ADAM22: variants seen among roughly 807,000 people sequenced by gnomAD.
The protein encoded by ADAM22 is disintegrin and metalloproteinase domain-containing protein 22.
Under a neutral mutation model 144.6 loss-of-function variants are expected in ADAM22, and 65 were observed. The ratio of observed to expected loss-of-function variants is 0.45; its 90% CI spans 0.37 to 0.55. The LOEUF (loss-of-function observed/expected upper bound fraction) is 0.55. ADAM22 is among the 20% of genes least tolerant of loss of function. ADAM22 has a pLI of 0.00. For missense variants in ADAM22, 974 were observed against 1,184.9 expected (o/e 0.82, Z 2.61); for synonymous variants, 391 against 412.6 (o/e 0.95, Z 0.63).
intron 3 of ADAM22, among the ~76,000 whole-genome samples, chr7:88,022,829 A>G (rs1798132573): frequency 6.6e-6 from 1 of 152,164 alleles, no homozygotes; most frequent in Non-Finnish European, 1.5e-5. Flanking sequence ...ATAACTTTAT[A>G]TTAACCATCA....
intron 2 of ADAM22, among the ~76,000 whole-genome samples, chr7:87,969,531 C>G (rs1408968019): frequency 6.6e-6 from 1 of 152,170 alleles, no homozygotes; most frequent in Admixed American, 6.5e-5. Context: ...CTGGTATGAT[C>G]AGCACTCTAA....
intron 2 of ADAM22, chr7:87,964,754 A>G (rs1410706416): frequency 5.9e-6 from 2 of 341,448 alleles, no homozygotes; most frequent in East Asian, 1.8e-4. Flanking sequence ...TGAATTGTGG[A>G]TGGATTCTTT....
chr7:88,065,315 C>T (rs949818418), intron 3 of ADAM22, among the ~76,000 whole-genome samples: 17 of 152,052 alleles, frequency 1.1e-4, no homozygotes, highest in African/African-American at 3.6e-4. Context: ...TTGTTGACTT[C>T]ATTATTTTCC....
chr7:88,105,265 A>G (rs756337055), intron 4 of ADAM22, among the ~76,000 whole-genome samples: 3 of 151,958 alleles, frequency 2.0e-5, no homozygotes, highest in Non-Finnish European at 4.4e-5. Flanking sequence ...TTCATGTGTT[A>G]CTGTTCACTA....
At chr7:88,075,771 G>A (rs903499163) in intron 4 of ADAM22, 79 bp downstream of exon 4, 8 of 1,083,638 alleles carry the variant, frequency 7.4e-6, no homozygotes, top group Non-Finnish European at 1.1e-5. Context: ...AATTTTCAAT[G>A]ATATTTCTAA....
intron 2 of ADAM22, among the ~76,000 whole-genome samples, chr7:87,976,866 A>T (rs1688889): frequency 0.58 from 86,137 of 149,228 alleles, 25,414 homozygotes; most frequent in African/African-American, 0.7. Context: ...AGGGTTTTTT[A>T]TTTCTTTTTT....
chr7:87,993,121 A>G (rs1369615416), intron 3 of ADAM22, among the ~76,000 whole-genome samples: 2 of 152,154 alleles, frequency 1.3e-5, no homozygotes, highest in Non-Finnish European at 2.9e-5. Context: ...GGGTCTGCCA[A>G]AGAGAATTTT....
intron 13 of ADAM22, 116 bp from the exon 14 acceptor site, chr7:88,135,864 T>C: frequency 2.6e-6 from 2 of 775,808 alleles, no homozygotes; most frequent in Non-Finnish European, 3.8e-6. Context: ...AAGAAGTTAC[T>C]ACTTTTTAAA....
At chr7:88,133,941 A>G (rs1470223569) in intron 12 of ADAM22, among the ~76,000 whole-genome samples, 1 of 152,210 alleles carries the variant, frequency 6.6e-6, no homozygotes, top group Admixed American at 6.5e-5. Flanking sequence ...TTACAACTGG[A>G]TACAAAGATG....
At chr7:87,955,562 G>T (rs1004382718) in intron 2 of ADAM22, among the ~76,000 whole-genome samples, 1 of 152,194 alleles carries the variant, frequency 6.6e-6, no homozygotes, top group Admixed American at 6.5e-5. Flanking sequence ...GTGCCTCCCA[G>T]TTAGGCTGCT....
intron 2 of ADAM22, among the ~76,000 whole-genome samples, chr7:87,955,740 C>T (rs1637505): frequency 0.55 from 83,584 of 152,082 alleles, 23,382 homozygotes; most frequent in African/African-American, 0.61. Context: ...GTGTAGCCTA[C>T]AGAGGCAGGC....
At chr7:88,025,726 T>A (rs952689961) in intron 3 of ADAM22, among the ~76,000 whole-genome samples, 1 of 152,198 alleles carries the variant, frequency 6.6e-6, no homozygotes, top group South Asian at 2.1e-4. Flanking sequence ...ATTGGTCTAT[T>A]TGTCTGTTTT....
chr7:87,942,290 A>G (rs1842630254), intron 2 of ADAM22, among the ~76,000 whole-genome samples: 2 of 152,248 alleles, frequency 1.3e-5, no homozygotes, highest in South Asian at 2.1e-4. Flanking sequence ...GCTACCTTTT[A>G]TGTGCCAAAT....
intron 20 of ADAM22, among the ~76,000 whole-genome samples, chr7:88,152,674 TTTGTTGTTG>T (rs34456405): frequency 6.6e-6 from 1 of 151,712 alleles, no homozygotes; most frequent in African/African-American, 2.4e-5. Flanking sequence ...GCCAAATTCT[TTTGTTGTTG>T]TTGTTGTTGT....
At position 87,981,393 on chromosome 7, in the gene ADAM22, C is replaced by T. The variant is rs111760081; in HGVS notation, c.323+2981C>T. ...GCTTCTTGTCTTCTTATTTCAATAACAACGAAATGGTTTTTCTCACTGTAT... is the reference window on the plus strand; with the variant it reads ...GCTTCTTGTCTTCTTATTTCAATAATAACGAAATGGTTTTTCTCACTGTAT... On this transcript the variant is annotated intron_variant, in intron 3 of 31. Transcript: ENST00000413139. Among the ~76,000 whole-genome samples, 1,095 of 152,190 alleles carry T rather than the reference C, an allele frequency of 7.2e-3. 10 individuals are homozygous for T. Among genetic ancestry groups the T allele is most frequent in the African/African-American group, 0.024 (1,004 of 41,504 alleles).
intron 14 of ADAM22, 42 bp downstream of exon 14, chr7:88,136,073 C>A: frequency 6.4e-7 from 1 of 1,560,612 alleles, no homozygotes. Context: ...CTTACATTCC[C>A]TGCTGTGCTG....
At chr7:88,061,121 T>C (rs528319797) in intron 3 of ADAM22, among the ~76,000 whole-genome samples, 86 of 152,032 alleles carry the variant, frequency 5.7e-4, no homozygotes, top group Non-Finnish European at 1.2e-3. Context: ...AAAAGAGTCC[T>C]CCTCCATCCA....
At chr7:88,079,289 C>A (rs1815721041) in intron 4 of ADAM22, among the ~76,000 whole-genome samples, 1 of 152,124 alleles carries the variant, frequency 6.6e-6, no homozygotes, top group Non-Finnish European at 1.5e-5. Context: ...TATAGACAAG[C>A]AACTGCTGAG....
chr7:88,108,698 C>T (rs890489673), intron 5 of ADAM22, among the ~76,000 whole-genome samples: 9 of 151,616 alleles, frequency 5.9e-5, no homozygotes, highest in African/African-American at 2.2e-4. Context: ...CACTGCACTC[C>T]AGCCTGTGGG....
Sources: allele counts gnomAD v4.1 joint callset (sites outside exome capture counted in the v4.1 genomes callset), GRCh38; gene constraint gnomAD v4.1.1; transcripts MANE v1.5; gene names NCBI Gene and HGNC (gene_info 2026-07-23, HGNC 2026-07-21).